Variants in ERBB4 observed in about 807,000 individuals in gnomAD.
ERBB4 encodes erb-b2 receptor tyrosine kinase 4.
A neutral mutation model predicts 158.0 loss-of-function variants in ERBB4; 42 were observed. That is an observed-to-expected ratio of 0.27 (90% confidence interval 0.21 to 0.34). The LOEUF (loss-of-function observed/expected upper bound fraction) is 0.34, where lower values mean the gene tolerates loss of function less well. ERBB4 is among the 10% of genes least tolerant of loss of function. ERBB4 has a pLI of 1.00. For missense variants in ERBB4, 1,333 were observed against 1,624.1 expected (o/e 0.82, Z 3.08); for synonymous variants, 583 against 558.7 (o/e 1.04, Z -0.61).
intron 20 of ERBB4, among the ~76,000 whole-genome samples, chr2:211,449,603 C>A (rs1335099746): frequency 2.6e-5 from 4 of 152,118 alleles, no homozygotes; most frequent in Non-Finnish European, 5.9e-5. Flanking sequence ...TGAAGAAATG[C>A]CCTTATCCCT....
intron 20 of ERBB4, among the ~76,000 whole-genome samples, chr2:211,508,485 G>A (rs776743886): frequency 5.9e-5 from 9 of 152,130 alleles, no homozygotes; most frequent in South Asian, 2.1e-4. Flanking sequence ...AACAGATGCC[G>A]GAGAGGATTT....
intron 2 of ERBB4, among the ~76,000 whole-genome samples, chr2:211,991,354 G>A (rs1452321430): frequency 6.6e-6 from 1 of 151,986 alleles, no homozygotes; most frequent in East Asian, 1.9e-4. Flanking sequence ...TTTGACCAAT[G>A]ACTAAAGCTT....
chr2:211,564,315 T>C (rs776492892), intron 19 of ERBB4, among the ~76,000 whole-genome samples: 2 of 152,158 alleles, frequency 1.3e-5, no homozygotes, highest in Middle Eastern at 3.2e-3. Flanking sequence ...TCAGCGGGAA[T>C]GCTTCAGAGT....
In ERBB4 at chr2:212,080,616, T is replaced by A. The variant is rs555602706; in HGVS notation, c.234+44136A>T. Among the ~76,000 whole-genome samples, 526 of 151,062 alleles carry A rather than the reference T, an allele frequency of 3.5e-3. 2 individuals carry two copies. Among genetic ancestry groups the A allele is most frequent in the Non-Finnish European group, 5.2e-3 (351 of 67,912 alleles). On this transcript the variant is annotated intron_variant, in intron 2 of 27. Transcript: ENST00000342788. ...GGAGATATATTGGCAACCCTCCATA[T>A]GTCACAATTTAGCAGATGATTTTGC...
intron 1 of ERBB4, among the ~76,000 whole-genome samples, chr2:212,465,819 C>T (rs1265375848): frequency 6.6e-6 from 1 of 152,176 alleles, no homozygotes; most frequent in African/African-American, 2.4e-5. Flanking sequence ...TCCCCATCCA[C>T]AGTCTATTCT....
At chr2:211,485,505 A>T (rs1020133657) in intron 20 of ERBB4, among the ~76,000 whole-genome samples, 3 of 152,062 alleles carry the variant, frequency 2.0e-5, no homozygotes, top group African/African-American at 7.2e-5. Context: ...TTCAAACAAG[A>T]CTTCCAAGAC....
intron 25 of ERBB4, among the ~76,000 whole-genome samples, chr2:211,399,735 GT>G (rs747534168): frequency 1.2e-4 from 18 of 152,264 alleles, no homozygotes; most frequent in Middle Eastern, 3.4e-3. Flanking sequence ...TCTATCACTA[GT>G]ATGACAACAT....
intron 2 of ERBB4, among the ~76,000 whole-genome samples, chr2:212,069,560 A>T (rs1431132404): frequency 2.0e-5 from 3 of 152,048 alleles, no homozygotes; most frequent in Non-Finnish European, 4.4e-5. Flanking sequence ...GGAGGTTCTA[A>T]TTAGAGCCAT....
At chr2:212,453,214 A>G (rs756205116) in intron 1 of ERBB4, among the ~76,000 whole-genome samples, 1 of 152,182 alleles carries the variant, frequency 6.6e-6, no homozygotes, top group South Asian at 2.1e-4. Flanking sequence ...GTTGCTTCTT[A>G]TATCTTCCCC....
intron 3 of ERBB4, among the ~76,000 whole-genome samples, chr2:211,874,669 G>A (rs539116701): frequency 7.9e-5 from 12 of 152,058 alleles, no homozygotes; most frequent in Admixed American, 4.6e-4. Flanking sequence ...CTTTCCTATT[G>A]TGAGTGTAAA....
intron 3 of ERBB4, among the ~76,000 whole-genome samples, chr2:211,908,432 T>C (rs1446479164): frequency 1.3e-5 from 2 of 151,820 alleles, no homozygotes; most frequent in Non-Finnish European, 2.9e-5. Flanking sequence ...GTTTCAAATC[T>C]ATTGAGGAAT....
chr2:211,429,813 T>C (rs1466858682), intron 21 of ERBB4, among the ~76,000 whole-genome samples: 2 of 152,202 alleles, frequency 1.3e-5, no homozygotes, highest in Admixed American at 1.3e-4. Flanking sequence ...AGAAGTAAGT[T>C]TAAATCACAG....
rs202046387 is a variant in ERBB4 at position 211,422,368 on chromosome 2, GTTA to G, written c.2867-267_2867-265del. Among the ~76,000 whole-genome samples the G allele has an allele frequency of 3.4e-3, 512 of 151,274 alleles. 3 individuals carry two copies. Among genetic ancestry groups the G allele is most frequent in the African/African-American group, 0.012 (483 of 41,308 alleles). On this transcript the variant is annotated intron_variant, in intron 23 of 27. Coordinates refer to ENST00000342788, the MANE Select transcript of ERBB4 (RefSeq NM_005235.3). ...GTGTATAGACGTGACTGCAATATAAGTTATTATTTTGTATTAGGAGTGACATAG... is the reference window on the plus strand; with the variant it reads ...GTGTATAGACGTGACTGCAATATAAGTTATTTTGTATTAGGAGTGACATAG...
intron 20 of ERBB4, among the ~76,000 whole-genome samples, chr2:211,441,020 C>T (rs2125453031): frequency 6.6e-6 from 1 of 152,310 alleles, no homozygotes; most frequent in African/African-American, 2.4e-5. Flanking sequence ...CAGCCACTTC[C>T]AAACTTCCTG....
chr2:212,441,843 G>A (rs11888697), intron 1 of ERBB4, among the ~76,000 whole-genome samples: 24,646 of 152,198 alleles, frequency 0.16, 2,539 homozygotes, highest in Non-Finnish European at 0.23. Context: ...GGATGGTGGC[G>A]TGGATTAATC....
chr2:211,390,709 C>T (rs2062782361), intron 25 of ERBB4, among the ~76,000 whole-genome samples: 1 of 152,210 alleles, frequency 6.6e-6, no homozygotes, highest in Non-Finnish European at 1.5e-5. Context: ...TATTAGAATG[C>T]ATCCACTGTC....
intron 3 of ERBB4, among the ~76,000 whole-genome samples, chr2:211,823,024 C>T (rs888581616): frequency 9.2e-5 from 14 of 151,980 alleles, no homozygotes; most frequent in African/African-American, 3.1e-4. Context: ...TTAGCCCTTC[C>T]CCTGGGCCAC....
chr2:211,525,630 C>A (rs1371689301), intron 20 of ERBB4, among the ~76,000 whole-genome samples: 1 of 152,098 alleles, frequency 6.6e-6, no homozygotes, highest in Non-Finnish European at 1.5e-5. Flanking sequence ...AGTAGGGCAC[C>A]AAACAGGTTC....
intron 20 of ERBB4, among the ~76,000 whole-genome samples, chr2:211,468,106 A>C (rs754398224): frequency 1.4e-4 from 21 of 152,224 alleles, no homozygotes; most frequent in South Asian, 4.1e-4. Flanking sequence ...TTGGACATCC[A>C]CTCTACAACG....
Sources: allele counts gnomAD v4.1 joint callset (sites outside exome capture counted in the v4.1 genomes callset), GRCh38; gene constraint gnomAD v4.1.1; transcripts MANE v1.5; gene names NCBI Gene and HGNC (gene_info 2026-07-23, HGNC 2026-07-21).